The following HYDIN variants were observed in gnomAD, a reference collection of about 807,000 sequenced individuals.
The protein encoded by HYDIN is HYDIN axonemal central pair apparatus protein.
Under a neutral mutation model 403.9 loss-of-function variants are expected in HYDIN, and 132 were observed. That is an observed-to-expected ratio of 0.33 (90% confidence interval 0.28 to 0.38). The LOEUF (loss-of-function observed/expected upper bound fraction) is 0.38, where lower values mean the gene tolerates loss of function less well. Ranked by LOEUF, HYDIN falls within the 10% of genes least tolerant of loss-of-function variation. The pLI, the probability that HYDIN is intolerant of heterozygous loss-of-function variation, is 1.00. For synonymous variants in HYDIN, 1,202 were observed against 1,891.7 expected, an observed-to-expected ratio of 0.64 and a Z score of 9.46; for missense variants, 2,827 against 5,009.5, an observed-to-expected ratio of 0.56 and a Z score of 13.15.
intron 50 of HYDIN, among the ~76,000 whole-genome samples, chr16:70,906,294 C>G (rs1414808191): frequency 6.6e-6 from 1 of 151,942 alleles, no homozygotes; most frequent in Non-Finnish European, 1.5e-5. Context: ...CCCTCTATTT[C>G]CTCAAGATTT....
chr16:71,146,153 A>G (rs190852247), intron 7 of HYDIN, among the ~76,000 whole-genome samples: 39 of 152,328 alleles, frequency 2.6e-4, no homozygotes, highest in Middle Eastern at 6.8e-3. Context: ...TTTTAAAGAT[A>G]ATGTATTTAC....
intron 56 of HYDIN, 139 bp downstream of exon 56, chr16:70,892,222 G>C: frequency 1.3e-6 from 1 of 778,516 alleles, no homozygotes; most frequent in Non-Finnish European, 1.9e-6. Flanking sequence ...CAGAACCCCG[G>C]TGTATCCTAT....
intron 1 of HYDIN, among the ~76,000 whole-genome samples, chr16:71,213,369 G>A (rs976780492): frequency 3.9e-5 from 6 of 152,078 alleles, no homozygotes; most frequent in Non-Finnish European, 7.4e-5. Context: ...AGATTTTAAC[G>A]TAAACAATAT....
Position 70,904,518 on chromosome 16 carries a change from T to TTTTTTTTTTTTTTTTTTTTTTG in HYDIN, c.8517-455_8517-454insCAAAAAAAAAAAAAAAAAAAAA, listed in dbSNP as rs767375464. 1.9e-3 allele frequency among the ~76,000 whole-genome samples: 71 copies of TTTTTTTTTTTTTTTTTTTTTTG among 37,016 alleles called. 27 individuals carry two copies. The highest frequency in any genetic ancestry group is 3.1e-3 in the Non-Finnish European group (60 of 19,126). The allele number at this position is 37,016 out of a possible 152,430, so 24.3% of individuals were successfully genotyped here. A position where few individuals can be genotyped will look rare whatever the true frequency, so the allele number is the denominator to read the frequency against. ...TTTTTTTTTTTTTTTTTTTTTTTTT[T>TTTTTTTTTTTTTTTTTTTTTTG]TGAGGGAGTTTCGTTCTTGTTGCCC... On this transcript the variant is annotated intron_variant, in intron 50 of 85. Transcript: ENST00000393567.
At chr16:71,148,854 G>A (rs1161130647) in intron 7 of HYDIN, among the ~76,000 whole-genome samples, 1 of 135,764 alleles carries the variant, frequency 7.4e-6, no homozygotes, top group Non-Finnish European at 1.5e-5. Flanking sequence ...TGCCTCCCGG[G>A]TTCAAGCTAT....
intron 13 of HYDIN, among the ~76,000 whole-genome samples, chr16:71,077,426 A>T (rs1465165362): frequency 6.6e-6 from 1 of 152,164 alleles, no homozygotes; most frequent in Admixed American, 6.5e-5. Flanking sequence ...TGATATATTT[A>T]AAAATCTACT....
At position 70,818,325 on chromosome 16, in the gene HYDIN, C is replaced by G. The variant is rs769680675; in HGVS notation, c.14658+17G>C. 6.3e-7 allele frequency: 1 copy of G among 1,592,004 alleles called. No individual in the cohort carries two copies. The highest frequency in any genetic ancestry group is 8.6e-7 in the Non-Finnish European group (1 of 1,164,174). ...CTCACAGCTCTCAGGGAGCCCCCGA[C>G]AGCCAAGGGGCCGTACCTCGGAGTT... On this transcript the variant is annotated intron_variant, in intron 84 of 85. Coordinates refer to ENST00000393567, the MANE Select transcript of HYDIN (RefSeq NM_001270974.2).
chr16:71,020,954 C>A (rs2080465628), intron 21 of HYDIN, among the ~76,000 whole-genome samples: 1 of 151,588 alleles, frequency 6.6e-6, no homozygotes, highest in African/African-American at 2.4e-5. Context: ...CTGGATAGAA[C>A]TATTATTATA....
At chr16:71,222,280 C>G (rs2040838337) in intron 1 of HYDIN, among the ~76,000 whole-genome samples, 1 of 152,034 alleles carries the variant, frequency 6.6e-6, no homozygotes, top group African/African-American at 2.4e-5. Context: ...TGAAAAAATC[C>G]AGCACCCCTT....
intron 50 of HYDIN, among the ~76,000 whole-genome samples, chr16:70,905,711 A>G (rs2143769505): frequency 6.6e-6 from 1 of 151,594 alleles, no homozygotes; most frequent in South Asian, 2.1e-4. Context: ...CTTATTTTGG[A>G]TTACCATAGT....
Position 70,832,925 on chromosome 16 carries a change from G to C in HYDIN, c.13822C>G (p.Leu4608Val). 2 of 1,614,070 alleles carry C rather than the reference G, an allele frequency of 1.2e-6. No individual in the cohort carries two copies. Among genetic ancestry groups the C allele is most frequent in the Non-Finnish European group, 1.7e-6 (2 of 1,179,914 alleles). ...GGACTGCCTCCCTGGATGTAGCAGA[G>C]AATGTTTTTACAAAGGCTCTCCTTT... ...VGKESLCKNI[L>V]CYIQGGSPLS... Residue 4608 changes from leucine to valine, a missense_variant, in exon 80 of 86, where the codon CTC becomes GTC. Transcript: ENST00000393567.
Position 70,805,269 on chromosome 16 carries a change from C to T in HYDIN, c.*2311G>A, listed in dbSNP as rs899392117. On this transcript the variant is annotated 3_prime_UTR_variant, in exon 86 of 86. Transcript: ENST00000393567. ...TACCTTAAAGTAGCACTCTCAGCTG[C>T]AATGTGCATGCAAATCGCCTGGAGG... 1.3e-5 allele frequency among the ~76,000 whole-genome samples: 2 copies of T among 152,202 alleles called. No individual in the cohort carries two copies. The highest frequency in any genetic ancestry group is 2.9e-5 in the Non-Finnish European group (2 of 68,040).
chr16:70,908,870 A>C lies in HYDIN; in HGVS notation c.8005-9T>G. On this transcript the variant is annotated splice_polypyrimidine_tract_variant and intron_variant, in intron 47 of 85. Coordinates refer to ENST00000393567, the MANE Select transcript of HYDIN (RefSeq NM_001270974.2). ...GTCTGCTCCTCTTGAGCCTTAATTA[A>C]AAACGAGCATGAGGTCTTAAATATT... 6.2e-7 allele frequency: 1 copy of C among 1,610,194 alleles called. No homozygotes were observed. Among genetic ancestry groups the C allele is most frequent in the South Asian group, 1.1e-5 (1 of 90,388 alleles).
chr16:70,941,781 G>A lies in HYDIN; in HGVS notation c.6708C>T (p.Leu2236=), dbSNP rs761481532. ...CAGCATTCTGAGCAAAGAGAGTGTC[G>A]AGGCCATCAAACACCACTCCTCGGT... ...DCYRGVVFDG[L]DTLFAQNAAA... Residue 2236 remains leucine, a synonymous_variant, in exon 43 of 86, where the codon CTC becomes CTT. Transcript: ENST00000393567. 8 of 1,566,614 alleles carry A rather than the reference G, an allele frequency of 5.1e-6. No individual in the cohort carries two copies. The Admixed American group carries it at 5.8e-5, about 11-fold the overall frequency.
At chr16:71,094,686 C>A (rs1194284000) in intron 10 of HYDIN, among the ~76,000 whole-genome samples, 1 of 152,290 alleles carries the variant, frequency 6.6e-6, no homozygotes, top group East Asian at 1.9e-4. Flanking sequence ...CGCACAAAGG[C>A]AACGTCGTGA....
In HYDIN at chr16:71,076,028, C is replaced by T. The variant is rs1428072249; in HGVS notation, c.1738+3857G>A. The stretch of plus-strand genomic sequence containing the variant: ...AGGCATTACACATGGATACATGGCA[C>T]CCTTCCTCCCACTCATGGTTCTGGA... On this transcript the variant is annotated intron_variant, in intron 13 of 85. Coordinates refer to ENST00000393567, the MANE Select transcript of HYDIN (RefSeq NM_001270974.2). 9 of 332,902 alleles carry T rather than the reference C, an allele frequency of 2.7e-5. No individual in the cohort carries two copies. The East Asian group carries it at 7.6e-4, about 28-fold the overall frequency. 20.6% of individuals were successfully genotyped at this position (332,902 alleles called of 1,614,324 possible).
intron 5 of HYDIN, among the ~76,000 whole-genome samples, chr16:71,165,270 AG>A (rs1567397007): frequency 6.6e-6 from 1 of 151,526 alleles, no homozygotes; most frequent in Non-Finnish European, 1.5e-5. Flanking sequence ...CTGCAGCCAC[AG>A]GTTTCCCCTT....
chr16:71,156,572 GT>G (rs1459740113), intron 6 of HYDIN, among the ~76,000 whole-genome samples: 1 of 152,170 alleles, frequency 6.6e-6, no homozygotes, highest in Non-Finnish European at 1.5e-5. Context: ...TATGGAGGGA[GT>G]TTGGTTTTGT....
At chr16:71,118,206 G>T (rs2084117482) in intron 9 of HYDIN, among the ~76,000 whole-genome samples, 1 of 151,870 alleles carries the variant, frequency 6.6e-6, no homozygotes, top group Non-Finnish European at 1.5e-5. Flanking sequence ...CTGAAGCCCT[G>T]GTACTGGGAA....
Sources: gnomAD v4.1 joint callset for allele counts (sites outside exome capture counted in the v4.1 genomes callset) on GRCh38, gnomAD v4.1.1 for gene constraint, MANE v1.5 for transcripts, NCBI Gene and HGNC (gene_info 2026-07-23, HGNC 2026-07-21) for gene names.